The following KLF18 variants were observed in gnomAD, a reference collection of about 807,000 sequenced individuals.
The protein encoded by KLF18 is Kruppel-like factor 18.
At position 44,137,998 on chromosome 1, in the gene KLF18, A is replaced by G. The variant is rs189999267; in HGVS notation, c.2982T>C (p.Tyr994=). The G allele has an allele frequency of 3.3e-5, 13 of 398,716 alleles. No individual in the cohort carries two copies. The highest frequency in any genetic ancestry group is 8.8e-5 in the Admixed American group (2 of 22,724). 24.7% of individuals were successfully genotyped at this position (398,716 alleles called of 1,614,324 possible). Residue 994 remains tyrosine (Y), a synonymous_variant, in exon 2 of 2, where the codon TAT becomes TAC. Transcript: ENST00000634670. Reference sequence around the variant, plus strand: ...ACGTACATCCCTCTACATCGCATACATAGGGCTTCTCCCCTGGACCAGACA... The same window carrying G: ...ACGTACATCCCTCTACATCGCATACGTAGGGCTTCTCCCCTGGACCAGACA... ...HMRKHTGEKP[Y]VCDVEGCTWK... is the part of the protein sequence containing the mutation.
rs1161541821 is a variant in KLF18, at chr1:44,141,294, G to A, written c.338C>T (p.Ala113Val). The change falls in exon 1 of 2, where the codon GCA (alanine) becomes GTA (valine). Residue 113 changes from alanine to valine, a missense_variant. Ala to Val is a moderately conservative substitution (Grantham distance 64). Coordinates refer to ENST00000634670, the MANE Select transcript of KLF18 (RefSeq NM_001358438.1). ...AGTAACATCTGTCATCTGGGAGCCTGCTGTGTGTTTTACCTGATCAAAGGA... is the reference window on the plus strand; with the variant it reads ...AGTAACATCTGTCATCTGGGAGCCTACTGTGTGTTTTACCTGATCAAAGGA... ...VTSFDQVKHT[A>V]GSQMTDVTVT... is the part of the protein sequence containing the mutation. 1 of 398,682 alleles carries A rather than the reference G, an allele frequency of 2.5e-6. No homozygotes were observed. The highest frequency in any genetic ancestry group is 4.4e-6 in the Non-Finnish European group (1 of 226,152). 24.7% of individuals were successfully genotyped at this position (398,682 alleles called of 1,614,324 possible). A position where few individuals can be genotyped will look rare whatever the true frequency, so the allele number is the denominator to read the frequency against.
Position 44,140,335 on chromosome 1 carries a change from GCC to G in KLF18, c.1295_1296del (p.Gly432AlafsTer8). The G allele has an allele frequency of 2.4e-5, 6 of 247,452 alleles. 3 individuals are homozygous for G. The highest frequency in any genetic ancestry group is 9.4e-5 in the East Asian group (2 of 21,262). 15.3% of individuals were successfully genotyped at this position (247,452 alleles called of 1,614,324 possible). ...TGGTTACCAGTGGAGGTCGTCATCT[GCC>G]CTCCACAGAGGGCTTGGTTACCAGT... ...TSTGNQALCGGQMTTSTGNQN... is the reference protein window; with the variant it reads ...TSTGNQALCGXQMTTSTGNQN... On this transcript the variant is annotated frameshift_variant, in exon 1 of 2. Coordinates refer to ENST00000634670, the MANE Select transcript of KLF18 (RefSeq NM_001358438.1). LOFTEE classifies it high-confidence loss of function.
At position 44,140,120 on chromosome 1, in the gene KLF18, C is replaced by A. The variant is rs181873035; in HGVS notation, c.1512G>T (p.Met504Ile). Residue 504 changes from methionine (M) to isoleucine (I), a missense_variant, in exon 1 of 2, where the codon ATG becomes ATT. Coordinates refer to ENST00000634670, the MANE Select transcript of KLF18 (RefSeq NM_001358438.1). ...GGTTCTGGTTACCAGTGGAGGTCATCATCTGCCCCCAGTAGAGGGTCTGGT... is the reference window on the plus strand; with the variant it reads ...GGTTCTGGTTACCAGTGGAGGTCATAATCTGCCCCCAGTAGAGGGTCTGGT... ...TGNQTLYWGQ[M>I]MTSTGNQNLC... 3 of 387,730 alleles carry A rather than the reference C, an allele frequency of 7.7e-6. No individual in the cohort carries two copies. The highest frequency in any genetic ancestry group is 3.7e-5 in the East Asian group (1 of 27,228). 24.0% of individuals were successfully genotyped at this position (387,730 alleles called of 1,614,324 possible). A position where few individuals can be genotyped will look rare whatever the true frequency, so the allele number is the denominator to read the frequency against.
Position 44,140,792 on chromosome 1 carries a change from C to T in KLF18, c.840G>A (p.Met280Ile). The T allele has an allele frequency of 2.5e-6, 1 of 398,342 alleles. No individual in the cohort carries two copies. The highest frequency in any genetic ancestry group is 4.4e-6 in the Non-Finnish European group (1 of 226,112). The allele number at this position is 398,342 out of a possible 1,614,324, so 24.7% of individuals were successfully genotyped here. The change falls in exon 1 of 2, where the codon ATG (methionine) becomes ATA (isoleucine). Residue 280 changes from methionine (M) to isoleucine (I), a missense_variant. Transcript: ENST00000634670. ...TGNQALYGGQ[M>I]TTSASNQTLC... The stretch of plus-strand genomic sequence containing the variant: ...GGGTCTGGTTACTAGCGGAGGTCGT[C>T]ATCTGCCCCCCATAGAGGGCCTGGT...
rs769444708 is a variant in KLF18 at position 44,139,639 on chromosome 1, G to C, written c.1993C>G (p.Gln665Glu). The part of the protein sequence containing the change: ...EEQVMTSTGN[Q>E]ALCGEQMTTS... The stretch of plus-strand genomic sequence containing the variant: ...GTCATCTGCTCTCCACAGAGGGCCT[G>C]GTTACCAGTGGAGGTCATCACCTGC... The change falls in exon 1 of 2, where the codon CAG becomes GAG. Residue 665 changes from glutamine (Q) to glutamate (E), a missense_variant. Transcript: ENST00000634670. The C allele has an allele frequency of 4.0e-5, 16 of 398,010 alleles. No homozygotes were observed. The highest frequency in any genetic ancestry group is 6.6e-5 in the Non-Finnish European group (15 of 226,268). The allele number at this position is 398,010 out of a possible 1,614,324, so 24.7% of individuals were successfully genotyped here. A position where few individuals can be genotyped will look rare whatever the true frequency, so the allele number is the denominator to read the frequency against.
Position 44,139,178 on chromosome 1 carries a change from G to C in KLF18, c.2454C>G (p.Asn818Lys). The C allele has an allele frequency of 2.5e-6, 1 of 395,196 alleles. No homozygotes were observed. The highest frequency in any genetic ancestry group is 4.4e-6 in the Non-Finnish European group (1 of 225,262). 24.5% of individuals were successfully genotyped at this position (395,196 alleles called of 1,614,324 possible). The change falls in exon 1 of 2, where the codon AAC (asparagine) becomes AAG (lysine). Residue 818 changes from asparagine to lysine, a missense_variant. Physicochemically the swap from Asn to Lys is moderately conservative, Grantham distance 94. Coordinates refer to ENST00000634670, the MANE Select transcript of KLF18 (RefSeq NM_001358438.1). ...YRGQITTSTS[N>K]QTLCGEQMTT... is the part of the protein sequence containing the mutation. ...TCATCTGCTCTCCACAGAGGGTCTG[G>C]TTACTAGTGGAGGTCGTGATCTGCC...
rs1489068495 is a variant in KLF18 at position 44,140,137 on chromosome 1, G to C, written c.1495C>G (p.Leu499Val). Reference sequence around the variant, plus strand: ...GAGGTCATCATCTGCCCCCAGTAGAGGGTCTGGTTACCAGTGGAGGTCATC... The same window carrying C: ...GAGGTCATCATCTGCCCCCAGTAGACGGTCTGGTTACCAGTGGAGGTCATC... ...QMMTSTGNQT[L>V]YWGQMMTSTG... Residue 499 changes from leucine to valine, a missense_variant, in exon 1 of 2, where the codon CTC (leucine) becomes GTC (valine). Transcript: ENST00000634670. The C allele has an allele frequency of 1.5e-5, 6 of 388,484 alleles. No homozygotes were observed. The highest frequency in any genetic ancestry group is 1.1e-4 in the African/African-American group (5 of 45,114). The allele number at this position is 388,484 out of a possible 1,614,324, so 24.1% of individuals were successfully genotyped here.
rs1643169843 is a variant in KLF18, at chr1:44,137,860, CT to C, written c.3119del (p.Lys1040SerfsTer?). On this transcript the variant is annotated frameshift_variant, in exon 2 of 2. Transcript: ENST00000634670. LOFTEE classifies it low-confidence loss of function (END_TRUNC). ...GAATGTTGTGGACCTTTGCATGCTGCTTTAGGTGATCAGATCTTGCAAAATT... is the reference window on the plus strand; with the variant it reads ...GAATGTTGTGGACCTTTGCATGCTGCTTAGGTGATCAGATCTTGCAAAATT... ...SKNFARSDHLKQHAKVHNIRP... is the reference protein window; with the variant it reads ...SKNFARSDHLXQHAKVHNIRP... 5.0e-6 allele frequency: 2 copies of C among 398,488 alleles called. No individual in the cohort carries two copies. The highest frequency in any genetic ancestry group is 8.8e-6 in the Non-Finnish European group (2 of 226,106). 24.7% of individuals were successfully genotyped at this position (398,488 alleles called of 1,614,324 possible).
rs1407375523 is a variant in KLF18 at position 44,141,608 on chromosome 1, T to G, written c.24A>C (p.Ala8=). The change falls in exon 1 of 2, where the codon GCA becomes GCC. Residue 8 remains alanine (A), a synonymous_variant. Transcript: ENST00000634670. Reference sequence around the variant, plus strand: ...GGAAAAATTTCTCAATTTCCTCAATTGCCTGGAGAAGACTGGAATCCATCT... The same window carrying G: ...GGAAAAATTTCTCAATTTCCTCAATGGCCTGGAGAAGACTGGAATCCATCT... MDSSLLQ[A]IEEIEKFFQH... is the part of the protein sequence containing the mutation. 2.5e-6 allele frequency: 1 copy of G among 398,544 alleles called. No homozygotes were observed. Among genetic ancestry groups the G allele is most frequent in the Non-Finnish European group, 4.4e-6 (1 of 226,114 alleles). The allele number at this position is 398,544 out of a possible 1,614,324, so 24.7% of individuals were successfully genotyped here.
chr1:44,141,079 G>C lies in KLF18; in HGVS notation c.553C>G (p.Gln185Glu), dbSNP rs1202874628. The C allele has an allele frequency of 5.0e-6, 2 of 398,506 alleles. No individual in the cohort carries two copies. The highest frequency in any genetic ancestry group is 8.8e-6 in the Non-Finnish European group (2 of 226,128). 24.7% of individuals were successfully genotyped at this position (398,506 alleles called of 1,614,324 possible). ...GTCTGGTCACTACTGAAGGTCACCT[G>C]GTCCCCACAGAGAGTCTGGTTATCA... ...LSDNQTLCGD[Q>E]VTFSSDQTLT... is the part of the protein sequence containing the mutation. Residue 185 changes from glutamine to glutamate, a missense_variant, in exon 1 of 2, where the codon CAG becomes GAG. By Grantham distance (29) the Gln-to-Glu change is conservative. Transcript: ENST00000634670.
intron 1 of KLF18, 135 bp downstream of exon 1, chr1:44,138,529 C>T (rs1557736679): frequency 2.5e-6 from 1 of 395,328 alleles, no homozygotes; most frequent in African/African-American, 2.1e-5. Flanking sequence ...ATCTACCCTT[C>T]TGAAGGTGCC....
At chr1:44,138,531 G>A (rs1174297899) in intron 1 of KLF18, 133 bp downstream of exon 1, 1 of 395,422 alleles carries the variant, frequency 2.5e-6, no homozygotes, top group Admixed American at 4.4e-5. Flanking sequence ...CTACCCTTCT[G>A]AAGGTGCCAA....
chr1:44,140,108 A>G lies in KLF18; in HGVS notation c.1524T>C (p.Thr508=), dbSNP rs1037125135. 55 of 390,862 alleles carry G rather than the reference A, an allele frequency of 1.4e-4. No individual in the cohort carries two copies. The highest frequency in any genetic ancestry group is 1.1e-3 in the African/African-American group (51 of 45,912). The allele number at this position is 390,862 out of a possible 1,614,324, so 24.2% of individuals were successfully genotyped here. A position where few individuals can be genotyped will look rare whatever the true frequency, so the allele number is the denominator to read the frequency against. ...TLYWGQMMTS[T]GNQNLCGEQM... is the part of the protein sequence containing the mutation. ...GCTCTCCACAGAGGTTCTGGTTACC[A>G]GTGGAGGTCATCATCTGCCCCCAGT... The change falls in exon 1 of 2, where the codon ACT becomes ACC. Residue 508 remains threonine (T), a synonymous_variant. Transcript: ENST00000634670.
rs1399565358 is a variant in KLF18 at position 44,139,694 on chromosome 1, G to A, written c.1938C>T (p.Thr646=). 1 of 397,276 alleles carries A rather than the reference G, an allele frequency of 2.5e-6. No homozygotes were observed. The highest frequency in any genetic ancestry group is 3.6e-5 in the East Asian group (1 of 27,946). 24.6% of individuals were successfully genotyped at this position (397,276 alleles called of 1,614,324 possible). A position where few individuals can be genotyped will look rare whatever the true frequency, so the allele number is the denominator to read the frequency against. ...NQTLCGEQMT[T]STSNQTLCEE... ...CACAGAGGGTCTGGTTACTAGTGGA[G>A]GTTGTCATCTGCTCTCCACAGAGGG... Residue 646 remains threonine (T), a synonymous_variant, in exon 1 of 2, where the codon ACC becomes ACT. Coordinates refer to ENST00000634670, the MANE Select transcript of KLF18 (RefSeq NM_001358438.1).
chr1:44,141,490 T>A lies in KLF18; in HGVS notation c.142A>T (p.Ser48Cys). The A allele has an allele frequency of 2.5e-6, 1 of 398,604 alleles. No individual in the cohort carries two copies. Among genetic ancestry groups the A allele is most frequent in the Non-Finnish European group, 4.4e-6 (1 of 226,138 alleles). 24.7% of individuals were successfully genotyped at this position (398,604 alleles called of 1,614,324 possible). ...CMPLTAHAEE[S>C]QHESTQSKTM... is the part of the protein sequence containing the mutation. ...TTGCTCTGGGTTGACTCATGTTGGC[T>A]CTCCTCAGCATGGGCAGTCAGAGGC... Residue 48 changes from serine (S) to cysteine (C), a missense_variant, in exon 1 of 2, where the codon AGC becomes TGC. Ser to Cys is a moderately radical substitution (Grantham distance 112). Transcript: ENST00000634670.
rs1285124308 is a variant in KLF18, at chr1:44,139,099, C to T, written c.2533G>A (p.Gly845Ser). The change falls in exon 1 of 2, where the codon GGT becomes AGT. Residue 845 changes from glycine to serine, a missense_variant. Coordinates refer to ENST00000634670, the MANE Select transcript of KLF18 (RefSeq NM_001358438.1). Reference protein sequence around the residue: ...LCGEQVTTSTGNQALYGGQMM... With the variant: ...LCGEQVTTSTSNQALYGGQMM... ...TGCCCCCCATAGAGGGCCTGGTTAC[C>T]AGTGGAGGTCGTCACCTGCTCCCCA... 2 of 390,828 alleles carry T rather than the reference C, an allele frequency of 5.1e-6. No homozygotes were observed. The highest frequency in any genetic ancestry group is 2.2e-5 in the African/African-American group (1 of 46,014). 24.2% of individuals were successfully genotyped at this position (390,828 alleles called of 1,614,324 possible).
rs554785099 is a variant in KLF18 at position 44,140,710 on chromosome 1, C to T, written c.922G>A (p.Val308Met). 6 of 393,422 alleles carry T rather than the reference C, an allele frequency of 1.5e-5. No individual in the cohort carries two copies. The East Asian group carries it at 1.8e-4, about 12-fold the overall frequency. The allele number at this position is 393,422 out of a possible 1,614,324, so 24.4% of individuals were successfully genotyped here. Residue 308 changes from valine (V) to methionine (M), a missense_variant, in exon 1 of 2, where the codon GTG becomes ATG. Coordinates refer to ENST00000634670, the MANE Select transcript of KLF18 (RefSeq NM_001358438.1). ...TSNQTLCGEQ[V>M]MTSTGNQALC... Reference sequence around the variant, plus strand: ...GCTTGGTTACCAGTGGAGGTCATCACTTGCTCCCCACAGAGGGTCTGGTTA... The same window carrying T: ...GCTTGGTTACCAGTGGAGGTCATCATTTGCTCCCCACAGAGGGTCTGGTTA...
At position 44,139,032 on chromosome 1, in the gene KLF18, T is replaced by C. The variant is rs1250203661; in HGVS notation, c.2600A>G (p.Gln867Arg). The change falls in exon 1 of 2, where the codon CAG becomes CGG. Residue 867 changes from glutamine (Q) to arginine (R), a missense_variant. Transcript: ENST00000634670. Reference sequence around the variant, plus strand: ...CTGGTTATCAGTGGAGGTCATATTCTGCCCCCCGTAGAGGTTCTGGTTACC... The same window carrying C: ...CTGGTTATCAGTGGAGGTCATATTCCGCCCCCCGTAGAGGTTCTGGTTACC... Reference protein sequence around the residue: ...STGNQNLYGGQNMTSTDNQAL... With the variant: ...STGNQNLYGGRNMTSTDNQAL... 2 of 398,166 alleles carry C rather than the reference T, an allele frequency of 5.0e-6. No homozygotes were observed. Among genetic ancestry groups the C allele is most frequent in the Non-Finnish European group, 8.9e-6 (2 of 225,964 alleles). 24.7% of individuals were successfully genotyped at this position (398,166 alleles called of 1,614,324 possible). A position where few individuals can be genotyped will look rare whatever the true frequency, so the allele number is the denominator to read the frequency against.
chr1:44,141,486 T>C lies in KLF18; in HGVS notation c.146A>G (p.Gln49Arg). 2.5e-6 allele frequency: 1 copy of C among 398,706 alleles called. No homozygotes were observed. The highest frequency in any genetic ancestry group is 4.4e-6 in the Non-Finnish European group (1 of 226,140). 24.7% of individuals were successfully genotyped at this position (398,706 alleles called of 1,614,324 possible). ...CGTCTTGCTCTGGGTTGACTCATGT[T>C]GGCTCTCCTCAGCATGGGCAGTCAG... ...MPLTAHAEES[Q>R]HESTQSKTMP... Residue 49 changes from glutamine (Q) to arginine (R), a missense_variant, in exon 1 of 2, where the codon CAA becomes CGA. Gln to Arg is a conservative substitution (Grantham distance 43). Transcript: ENST00000634670.
Sources: gnomAD v4.1 joint callset for allele counts on GRCh38, gnomAD v4.1.1 for gene constraint, MANE v1.5 for transcripts, NCBI Gene and HGNC (gene_info 2026-07-23, HGNC 2026-07-21) for gene names.